GABRA3: variants seen among roughly 807,000 people sequenced by gnomAD.
GABRA3 encodes the protein gamma-aminobutyric acid type A receptor subunit alpha3, also known as gamma-aminobutyric acid receptor subunit alpha-3.
Under a neutral mutation model 30.1 loss-of-function variants are expected in GABRA3, and 10 were observed. The observed-to-expected ratio is 0.33, with a 90% CI of 0.20 to 0.56. The LOEUF (loss-of-function observed/expected upper bound fraction) is 0.56, where lower values mean the gene tolerates loss of function less well. Among genes scored for constraint, GABRA3 ranks in the 20% least tolerant of loss-of-function variants. The pLI is 0.89. For missense variants in GABRA3, 233 were observed against 392.0 expected (o/e 0.59, Z 3.42); for synonymous variants, 151 against 146.8 (o/e 1.03, Z -0.21).
intron 5 of GABRA3, among the ~76,000 whole-genome samples, chrX:152,225,866 C>T (rs1048349906): frequency 7.3e-5 from 8 of 110,055 alleles, no homozygotes; most frequent in Admixed American, 1.9e-4. Context: ...TTTTGGAGTT[C>T]TAATAAGTTG....
Position 152,368,921 on chromosome X carries a change from T to G in GABRA3, c.-26-4325A>C, listed in dbSNP as rs745340089. Among the ~76,000 whole-genome samples the G allele has an allele frequency of 1.1e-3, 119 of 110,636 alleles. 1 individual carries two copies. Among genetic ancestry groups the G allele is most frequent in the African/African-American group, 2.0e-3 (60 of 30,448 alleles). ...GGGGTTTCACCGTGTTAGCCAGGATTGTCTCGATCTCCTGACCTTGTGATC... is the reference window on the plus strand; with the variant it reads ...GGGGTTTCACCGTGTTAGCCAGGATGGTCTCGATCTCCTGACCTTGTGATC... On this transcript the variant is annotated intron_variant, in intron 1 of 9. Transcript: ENST00000370314.
chrX:152,277,010 T>C (rs751064854), intron 4 of GABRA3, among the ~76,000 whole-genome samples: 1 of 111,915 alleles, frequency 8.9e-6, no homozygotes, highest in South Asian at 3.7e-4. Context: ...TAATATGCCA[T>C]AAAAAGACAT....
intron 5 of GABRA3, among the ~76,000 whole-genome samples, chrX:152,225,428 A>ACACACG (rs1342923358): frequency 5.6e-5 from 1 of 17,869 alleles, no homozygotes; most frequent in African/African-American, 1.5e-4. Context: ...GCACACACAC[A>ACACACG]CACGCACACA....
At chrX:152,447,191 T>C (rs1000525735) in intron 1 of GABRA3, among the ~76,000 whole-genome samples, 9 of 111,458 alleles carry the variant, frequency 8.1e-5, no homozygotes, top group African/African-American at 2.9e-4. Context: ...TCCCACATTA[T>C]CTTTGGTTCA....
chrX:152,244,533 C>G (rs937526225), intron 5 of GABRA3, among the ~76,000 whole-genome samples: 1 of 111,501 alleles, frequency 9.0e-6, no homozygotes, highest in East Asian at 2.8e-4. Context: ...TGTACTGGAG[C>G]CTTGATCTTG....
Position 152,345,836 on chromosome X carries a change from G to T in GABRA3, c.141-134C>A, listed in dbSNP as rs918708077. ...ATAGACCTATATCTTATCCAAAATA[G>T]CAATCACTACATATTTGTCACAATG... On this transcript the variant is annotated intron_variant, in intron 2 of 9. Coordinates refer to ENST00000370314, the MANE Select transcript of GABRA3 (RefSeq NM_000808.4). 26 of 514,485 alleles carry T rather than the reference G, an allele frequency of 5.1e-5. No individual in the cohort carries two copies. In the African/African-American group the frequency reaches 6.3e-4, roughly 12 times the overall value. The allele number at this position is 514,485 out of a possible 1,213,427, so 42.4% of individuals were successfully genotyped here.
intron 1 of GABRA3, among the ~76,000 whole-genome samples, chrX:152,443,127 C>T (rs1930976737): frequency 1.8e-5 from 2 of 111,446 alleles, no homozygotes; most frequent in Non-Finnish European, 3.8e-5. Flanking sequence ...AATGGGTCAA[C>T]TAAACATACA....
At chrX:152,444,789 C>T (rs1251493587) in intron 1 of GABRA3, among the ~76,000 whole-genome samples, 2 of 77,347 alleles carry the variant, frequency 2.6e-5, no homozygotes, top group East Asian at 4.0e-4. Context: ...TGGCCGGGCG[C>T]GGTGGCTCAC....
chrX:152,205,882 C>A (rs911867264), intron 7 of GABRA3, among the ~76,000 whole-genome samples: 1 of 112,623 alleles, frequency 8.9e-6, no homozygotes, highest in African/African-American at 3.2e-5. Flanking sequence ...GTAAAACAAT[C>A]AGTTAATGTA....
intron 5 of GABRA3, among the ~76,000 whole-genome samples, chrX:152,239,348 G>A (rs750398469): frequency 9.4e-6 from 1 of 106,912 alleles, no homozygotes; most frequent in African/African-American, 3.5e-5. Flanking sequence ...ATTGCACTGT[G>A]GTCTGAGAGA....
chrX:152,213,949 A>G (rs193125327), intron 6 of GABRA3, among the ~76,000 whole-genome samples: 130 of 110,570 alleles, frequency 1.2e-3, no homozygotes, highest in African/African-American at 4.2e-3. Flanking sequence ...ATAGATTTGG[A>G]GAGTACAAGT....
intron 1 of GABRA3, among the ~76,000 whole-genome samples, chrX:152,369,007 A>G (rs1442889564): frequency 9.0e-6 from 1 of 111,355 alleles, no homozygotes; most frequent in Non-Finnish European, 1.9e-5. Context: ...GCTAGGCCCT[A>G]TTTTTAATTT....
intron 1 of GABRA3, among the ~76,000 whole-genome samples, chrX:152,422,114 T>C (rs1569422107): frequency 9.0e-6 from 1 of 111,591 alleles, no homozygotes; most frequent in Non-Finnish European, 1.9e-5. Flanking sequence ...TATTGCAACA[T>C]TACTTATAAT....
At chrX:152,334,811 G>A (rs1049482047) in intron 3 of GABRA3, among the ~76,000 whole-genome samples, 5 of 111,410 alleles carry the variant, frequency 4.5e-5, no homozygotes, top group African/African-American at 1.6e-4. Flanking sequence ...CTAAAACTGA[G>A]TAAGAAAGCA....
intron 5 of GABRA3, among the ~76,000 whole-genome samples, chrX:152,250,071 G>T (rs1938526040): frequency 9.0e-6 from 1 of 110,800 alleles, no homozygotes; most frequent in Admixed American, 9.6e-5. Flanking sequence ...CTCTACCTCA[G>T]CCCTGTCTCT....
intron 6 of GABRA3, among the ~76,000 whole-genome samples, chrX:152,211,926 G>A (rs759325650): frequency 5.4e-5 from 6 of 110,258 alleles, no homozygotes; most frequent in Middle Eastern, 4.6e-3. Flanking sequence ...CACATGGAGC[G>A]GTAAAGGAAT....
rs769257435 is a variant in GABRA3, at chrX:152,232,991, G to C, written c.552-8146C>G. On this transcript the variant is annotated intron_variant, in intron 5 of 9. Transcript: ENST00000370314. Reference sequence around the variant, plus strand: ...TCAACATCTGTTTTTTTGTTTGTTTGTTTTTGCATTTTAATAACAGCCATT... The same window carrying C: ...TCAACATCTGTTTTTTTGTTTGTTTCTTTTTGCATTTTAATAACAGCCATT... Among the ~76,000 whole-genome samples, 4 of 110,655 alleles carry C rather than the reference G, an allele frequency of 3.6e-5. No individual in the cohort carries two copies. The Admixed American group carries it at 3.9e-4, about 11-fold the overall frequency.
intron 4 of GABRA3, among the ~76,000 whole-genome samples, chrX:152,276,467 A>G (rs1939087283): frequency 8.9e-6 from 1 of 111,888 alleles, no homozygotes; most frequent in Non-Finnish European, 1.9e-5. Flanking sequence ...TAAACTGAAA[A>G]AAGTTAAAAA....
intron 1 of GABRA3, among the ~76,000 whole-genome samples, chrX:152,381,501 C>T (rs746433692): frequency 5.4e-5 from 6 of 111,324 alleles, no homozygotes; most frequent in East Asian, 2.8e-4. Context: ...CTCTCATTCA[C>T]GGGGTTGTCT....
Sources: allele counts gnomAD v4.1 joint callset (sites outside exome capture counted in the v4.1 genomes callset), GRCh38; gene constraint gnomAD v4.1.1; transcripts MANE v1.5; gene names NCBI Gene and HGNC (gene_info 2026-07-23, HGNC 2026-07-21).